DAB1: variants seen among roughly 807,000 people sequenced by gnomAD.
The protein encoded by DAB1 is DAB adaptor protein 1.
A neutral mutation model predicts 64.6 loss-of-function variants in DAB1; 15 were observed. The ratio of observed to expected loss-of-function variants is 0.23; its 90% confidence interval spans 0.16 to 0.36. DAB1 has a LOEUF of 0.36. Ranked by LOEUF, DAB1 falls within the 10% of genes least tolerant of loss-of-function variation. DAB1 has a pLI of 1.00. For synonymous variants in DAB1, 235 were observed against 251.9 expected, an observed-to-expected ratio of 0.93 and a Z score of 0.64; for missense variants, 596 against 706.7, an observed-to-expected ratio of 0.84 and a Z score of 1.78.
At chr1:58,150,132 AG>A (rs1253149352) in intron 5 of DAB1, among the ~76,000 whole-genome samples, 1 of 152,182 alleles carries the variant, frequency 6.6e-6, no homozygotes, top group Non-Finnish European at 1.5e-5. Context: ...GTACAGATAA[AG>A]GAAGAAAACC....
intron 1 of DAB1, among the ~76,000 whole-genome samples, chr1:57,871,982 C>T (rs1426622801): frequency 6.6e-6 from 1 of 152,068 alleles, no homozygotes; most frequent in African/African-American, 2.4e-5. Context: ...TGACTTGGAG[C>T]AGGTATTGTA....
intron 1 of DAB1, among the ~76,000 whole-genome samples, chr1:57,835,819 G>C (rs852786): frequency 0.31 from 46,904 of 152,092 alleles, 8,649 homozygotes; most frequent in Admixed American, 0.46. Context: ...TGCTGTTTCC[G>C]AAAGACACCT....
chr1:57,276,530 T>C (rs1009945208), intron 2 of DAB1, among the ~76,000 whole-genome samples: 6 of 152,208 alleles, frequency 3.9e-5, no homozygotes, highest in African/African-American at 1.2e-4. Flanking sequence ...GAATAAAATA[T>C]GTTTGTAATG....
intron 6 of DAB1, among the ~76,000 whole-genome samples, chr1:57,794,919 G>A (rs1478330105): frequency 6.6e-6 from 1 of 152,200 alleles, no homozygotes; most frequent in African/African-American, 2.4e-5. Context: ...CAAGATCTCA[G>A]GGGACTACAG....
At chr1:57,985,270 A>G (rs906581949) in intron 5 of DAB1, among the ~76,000 whole-genome samples, 1 of 152,194 alleles carries the variant, frequency 6.6e-6, no homozygotes, top group Admixed American at 6.5e-5. Context: ...GGAAATAATG[A>G]CACTCATATT....
intron 6 of DAB1, among the ~76,000 whole-genome samples, chr1:57,765,927 G>A (rs978966358): frequency 9.2e-5 from 14 of 151,972 alleles, no homozygotes; most frequent in African/African-American, 3.1e-4. Flanking sequence ...CACTATGCCC[G>A]GCCAGTACTC....
chr1:58,096,218 C>T (rs1167794450), intron 5 of DAB1, among the ~76,000 whole-genome samples: 3 of 152,318 alleles, frequency 2.0e-5, no homozygotes, highest in East Asian at 3.9e-4. Context: ...ATAAATGTCA[C>T]TTTGTGTGGT....
At chr1:57,982,839 T>G (rs1283220504) in intron 5 of DAB1, among the ~76,000 whole-genome samples, 1 of 152,244 alleles carries the variant, frequency 6.6e-6, no homozygotes, top group Non-Finnish European at 1.5e-5. Flanking sequence ...TTAACCTTTC[T>G]TTCTTCTGAG....
At chr1:58,420,946 C>T (rs535758601) in intron 3 of DAB1, among the ~76,000 whole-genome samples, 61 of 152,306 alleles carry the variant, frequency 4.0e-4, no homozygotes, top group Admixed American at 1.3e-3. Context: ...CTGCACCAGG[C>T]CTCATTTCCA....
At chr1:57,553,505 G>GAAGA (rs60106981) in intron 7 of DAB1, among the ~76,000 whole-genome samples, 4,430 of 120,406 alleles carry the variant, frequency 0.037, 450 homozygotes, top group Middle Eastern at 0.048. Flanking sequence ...AGGAAGGAAG[G>GAAGA]AAGAGAGAGA....
chr1:57,655,497 A>C (rs1646307561), intron 6 of DAB1, among the ~76,000 whole-genome samples: 1 of 152,208 alleles, frequency 6.6e-6, no homozygotes, highest in Non-Finnish European at 1.5e-5. Flanking sequence ...TATACTTCAT[A>C]AATATTTGTT....
chr1:57,884,672 A>C (rs375871505), upstream of DAB1, among the ~76,000 whole-genome samples: 1 of 152,216 alleles, frequency 6.6e-6, no homozygotes, highest in Non-Finnish European at 1.5e-5. Flanking sequence ...TGCCTTTTCC[A>C]TATCCTCATT....
At chr1:58,502,739 C>T (rs896804274) in intron 3 of DAB1, among the ~76,000 whole-genome samples, 3 of 152,200 alleles carry the variant, frequency 2.0e-5, no homozygotes, top group Admixed American at 6.5e-5. Flanking sequence ...TGAGTTATGA[C>T]TGTATATTCT....
At chr1:57,725,370 C>A (rs1647196157) in intron 6 of DAB1, among the ~76,000 whole-genome samples, 1 of 152,166 alleles carries the variant, frequency 6.6e-6, no homozygotes, top group Non-Finnish European at 1.5e-5. Context: ...GCTGGGCCCA[C>A]CAACCCGGAG....
chr1:57,114,223 T>C (rs1432750178), intron 4 of DAB1, among the ~76,000 whole-genome samples: 1 of 151,546 alleles, frequency 6.6e-6, no homozygotes, highest in Non-Finnish European at 1.5e-5. Context: ...GCTACAGATA[T>C]ACGAGAAAAT....
At chr1:58,468,347 T>C (rs1645317849) in intron 3 of DAB1, 1 of 152,260 alleles carries the variant, frequency 6.6e-6, no homozygotes, top group South Asian at 2.1e-4. Flanking sequence ...GCAACATTTT[T>C]GTTTTTGCTC....
In DAB1 at chr1:57,291,011, A is replaced by C; in HGVS notation, c.20T>G (p.Leu7Arg). Residue 7 changes from leucine (L) to arginine (R), a missense_variant, in exon 2 of 15, where the codon CTT becomes CGT. Leu to Arg is a moderately radical substitution (Grantham distance 102). Transcript: ENST00000371236. ...GGCGCTGGTTTTCACAGCTACTTGA[A>C]GTTCTGTCTCAGTTGACATCCTACT... is the stretch of plus-strand genomic sequence containing the variant. The part of the protein sequence containing the change: MSTETE[L>R]QVAVKTSAKK... 1 of 1,611,908 alleles carries C rather than the reference A, an allele frequency of 6.2e-7. No individual in the cohort carries two copies. Among genetic ancestry groups the C allele is most frequent in the Non-Finnish European group, 8.5e-7 (1 of 1,178,910 alleles).
chr1:57,590,702 T>C (rs912542040), intron 7 of DAB1, among the ~76,000 whole-genome samples: 2 of 149,904 alleles, frequency 1.3e-5, no homozygotes, highest in Non-Finnish European at 3.0e-5. Context: ...ACCATAGGAA[T>C]TTGAGGGTGG....
intron 1 of DAB1, among the ~76,000 whole-genome samples, chr1:57,313,107 T>A (rs1674873564): frequency 6.6e-6 from 1 of 152,130 alleles, no homozygotes; most frequent in Non-Finnish European, 1.5e-5. Context: ...AGTGCCCCAG[T>A]TTTTAGGCAC....
Sources: allele counts gnomAD v4.1 joint callset (sites outside exome capture counted in the v4.1 genomes callset), GRCh38; gene constraint gnomAD v4.1.1; transcripts MANE v1.5; gene names NCBI Gene and HGNC (gene_info 2026-07-23, HGNC 2026-07-21).